Variants in PPFIBP1 observed in about 807,000 individuals in gnomAD.
PPFIBP1 encodes PPFIB scaffold protein 1.
A neutral mutation model predicts 137.8 loss-of-function variants in PPFIBP1; 112 were observed. The observed-to-expected ratio is 0.81, with a 90% CI of 0.70 to 0.95. The LOEUF (loss-of-function observed/expected upper bound fraction) is 0.95. Among genes scored for constraint, PPFIBP1 ranks in the 40% least tolerant of loss-of-function variants. The probability of loss-of-function intolerance (pLI) is 0.00; values close to 1 mark genes in which losing one functional copy is unlikely to be tolerated. For synonymous variants in PPFIBP1, 378 were observed against 417.3 expected, an observed-to-expected ratio of 0.91 and a Z score of 1.15; for missense variants, 1,083 against 1,196.6, an observed-to-expected ratio of 0.91 and a Z score of 1.40.
At chr12:27,554,576 T>C (rs1395158725) in intron 1 of PPFIBP1, among the ~76,000 whole-genome samples, 1 of 152,114 alleles carries the variant, frequency 6.6e-6, no homozygotes, top group Admixed American at 6.5e-5. Flanking sequence ...TGAAAAAAAA[T>C]CAACTGAAAA....
At chr12:27,670,788 A>AT (rs57738136) in intron 13 of PPFIBP1, among the ~76,000 whole-genome samples, 6,392 of 134,190 alleles carry the variant, frequency 0.048, 460 homozygotes, top group African/African-American at 0.15. Context: ...CAAAAAAAAA[A>AT]AAAAAAAATA....
At chr12:27,631,251 A>C (rs767675851) in intron 2 of PPFIBP1, among the ~76,000 whole-genome samples, 1 of 151,994 alleles carries the variant, frequency 6.6e-6, no homozygotes, top group Non-Finnish European at 1.5e-5. Flanking sequence ...CTATTTTTTC[A>C]TTGATTTCTA....
intron 13 of PPFIBP1, among the ~76,000 whole-genome samples, chr12:27,670,785 A>ATAATAAT (rs1555238606): frequency 2.2e-5 from 3 of 139,314 alleles, no homozygotes; most frequent in Non-Finnish European, 4.7e-5. Flanking sequence ...TCTCAAAAAA[A>ATAATAAT]AAAAAAAAAA....
intron 1 of PPFIBP1, among the ~76,000 whole-genome samples, chr12:27,533,620 G>A (rs1050042561): frequency 6.6e-6 from 1 of 152,314 alleles, no homozygotes; most frequent in East Asian, 1.9e-4. Context: ...TTATTCATAT[G>A]AAGATGTTAA....
chr12:27,599,504 C>G (rs1430389268), intron 2 of PPFIBP1: 2 of 455,834 alleles, frequency 4.4e-6, no homozygotes, highest in Admixed American at 4.7e-5. Flanking sequence ...TAAAATCTCT[C>G]TCCTTTCTCT....
intron 4 of PPFIBP1, 63 bp downstream of exon 4, chr12:27,635,178 CA>C (rs1448320911): frequency 6.6e-7 from 1 of 1,505,706 alleles, no homozygotes; most frequent in Non-Finnish European, 9.2e-7. Flanking sequence ...AAATTTAGAA[CA>C]TAGAATAGCT....
chr12:27,610,193 G>T (rs1437412871), intron 2 of PPFIBP1, among the ~76,000 whole-genome samples: 1 of 152,168 alleles, frequency 6.6e-6, no homozygotes, highest in African/African-American at 2.4e-5. Context: ...TTATTTAGAA[G>T]CTGAACGATT....
intron 2 of PPFIBP1, among the ~76,000 whole-genome samples, chr12:27,630,077 G>T (rs1227561208): frequency 1.3e-5 from 2 of 152,058 alleles, no homozygotes; most frequent in Non-Finnish European, 2.9e-5. Flanking sequence ...CAAATCTTGT[G>T]TGTTACTGAG....
In PPFIBP1 at chr12:27,645,919, A is replaced by G. The variant is rs185265951; in HGVS notation, c.271-143A>G. ...TTTTGTGGTAAATGAACCAAATTGCATTCTCGTATTTTCTGTTTGACAGTG... is the reference window on the plus strand; with the variant it reads ...TTTTGTGGTAAATGAACCAAATTGCGTTCTCGTATTTTCTGTTTGACAGTG... On this transcript the variant is annotated intron_variant, in intron 4 of 29. Transcript: ENST00000228425. 2.5e-3 allele frequency: 1,551 copies of G among 619,864 alleles called. 1 individual carries two copies. Among genetic ancestry groups the G allele is most frequent in the Non-Finnish European group, 3.8e-3 (1,341 of 353,310 alleles). 38.4% of individuals were successfully genotyped at this position (619,864 alleles called of 1,614,324 possible). A position where few individuals can be genotyped will look rare whatever the true frequency, so the allele number is the denominator to read the frequency against.
At chr12:27,527,485 G>C (rs1943904548) in intron 1 of PPFIBP1, among the ~76,000 whole-genome samples, 1 of 151,900 alleles carries the variant, frequency 6.6e-6, no homozygotes, top group African/African-American at 2.4e-5. Context: ...TCAAGCAGTC[G>C]ACCCACCTTG....
Sources: allele counts gnomAD v4.1 joint callset (sites outside exome capture counted in the v4.1 genomes callset), GRCh38; gene constraint gnomAD v4.1.1; transcripts MANE v1.5; gene names NCBI Gene and HGNC (gene_info 2026-07-23, HGNC 2026-07-21).